Variants in AK9 observed in about 807,000 individuals in gnomAD.
The protein encoded by AK9 is adenylate kinase domain containing 1.
In AK9, 191 loss-of-function variants were observed where a neutral mutation model predicts 239.6. That is an observed-to-expected ratio of 0.80 (90% CI 0.71 to 0.90). The LOEUF (loss-of-function observed/expected upper bound fraction) is 0.90. Ranked by LOEUF, AK9 falls within the 40% of genes least tolerant of loss-of-function variation. AK9 has a pLI of 0.00. For missense variants in AK9, 1,995 were observed against 2,214.7 expected (o/e 0.90, Z 1.99); for synonymous variants, 689 against 721.0 (o/e 0.96, Z 0.71).
chr6:109,605,978 C>G (rs145118259), intron 17 of AK9, among the ~76,000 whole-genome samples: 1 of 151,970 alleles, frequency 6.6e-6, no homozygotes, highest in East Asian at 1.9e-4. Context: ...GTGGTGAGGA[C>G]AAGGGCCCCT....
intron 15 of AK9, among the ~76,000 whole-genome samples, chr6:109,612,497 A>C (rs184566417): frequency 2.4e-4 from 36 of 152,180 alleles, no homozygotes; most frequent in African/African-American, 8.2e-4. Flanking sequence ...GCCTGCTTCT[A>C]ACTTGGACTG....
chr6:109,680,864 G>A (rs1010756714), intron 1 of AK9, among the ~76,000 whole-genome samples: 2 of 152,160 alleles, frequency 1.3e-5, no homozygotes, highest in African/African-American at 4.8e-5. Context: ...AGCTTCATAA[G>A]TGAAGGAGAA....
chr6:109,554,708 T>G (rs1373978551), intron 24 of AK9, among the ~76,000 whole-genome samples: 1 of 151,968 alleles, frequency 6.6e-6, no homozygotes. Context: ...ATTTTTGTAT[T>G]TTTAGTACAG....
Position 109,546,101 on chromosome 6 carries a change from G to A in AK9, c.2991C>T (p.Val997=), listed in dbSNP as rs761959332. 4.4e-6 allele frequency: 6 copies of A among 1,355,616 alleles called. No individual in the cohort carries two copies. The highest frequency in any genetic ancestry group is 9.3e-5 in the East Asian group (2 of 21,588). 84.0% of individuals were successfully genotyped at this position (1,355,616 alleles called of 1,614,324 possible). ...TAGTTTTGCCAGAGCCCTGGGGGCC[G>A]ACAAGGCATATTCTTAATGGAGGAG... ...LKAPPLRICL[V]GPQGSGKTMC... The change falls in exon 26 of 41, where the codon GTC becomes GTT. Residue 997 remains valine (V), a synonymous_variant. Coordinates refer to ENST00000424296, the MANE Select transcript of AK9 (RefSeq NM_001145128.3).
chr6:109,530,022 G>T (rs1445620108), intron 28 of AK9, among the ~76,000 whole-genome samples: 1 of 152,156 alleles, frequency 6.6e-6, no homozygotes, highest in Non-Finnish European at 1.5e-5. Flanking sequence ...AAGTGTATGT[G>T]GTTGGCAGAC....
intron 17 of AK9, among the ~76,000 whole-genome samples, chr6:109,608,936 A>G (rs1352319537): frequency 6.6e-6 from 1 of 152,180 alleles, no homozygotes; most frequent in Non-Finnish European, 1.5e-5. Context: ...AAAGGAGCAT[A>G]TCTCTAGCTG....
At chr6:109,506,184 T>G in intron 35 of AK9, 143 bp downstream of exon 35, 1 of 696,166 alleles carries the variant, frequency 1.4e-6, no homozygotes, top group South Asian at 1.9e-5. Flanking sequence ...TACTATTATA[T>G]ATAGTATTGG....
chr6:109,633,378 G>A lies in AK9; in HGVS notation c.934-55C>T. 3 of 1,505,050 alleles carry A rather than the reference G, an allele frequency of 2.0e-6. No homozygotes were observed. In the Admixed American group the frequency reaches 6.6e-5, roughly 33 times the overall value. 93.2% of individuals were successfully genotyped at this position (1,505,050 alleles called of 1,614,324 possible). On this transcript the variant is annotated intron_variant, in intron 10 of 40. Coordinates refer to ENST00000424296, the MANE Select transcript of AK9 (RefSeq NM_001145128.3). Reference sequence around the variant, plus strand: ...ATGGGCATAAATTTTGCTGAAATTAGGAGCATTAAATATTTCATTTATCAT... The same window carrying A: ...ATGGGCATAAATTTTGCTGAAATTAAGAGCATTAAATATTTCATTTATCAT...
At chr6:109,665,017 G>A (rs1359515732) in intron 5 of AK9, among the ~76,000 whole-genome samples, 1 of 152,092 alleles carries the variant, frequency 6.6e-6, no homozygotes, top group Non-Finnish European at 1.5e-5. Flanking sequence ...TCCAGCCTGG[G>A]CAACAGAGCG....
At chr6:109,683,134 C>A (rs754307794) in intron 1 of AK9, among the ~76,000 whole-genome samples, 1 of 152,092 alleles carries the variant, frequency 6.6e-6, no homozygotes, top group Non-Finnish European at 1.5e-5. Context: ...ATAAATAGAA[C>A]CAATGACAAA....
At position 109,546,122 on chromosome 6, in the gene AK9, A is replaced by C; in HGVS notation, c.2970T>G (p.Pro990=). 2 of 1,052,236 alleles carry C rather than the reference A, an allele frequency of 1.9e-6. No homozygotes were observed. Among genetic ancestry groups the C allele is most frequent in the East Asian group, 1.0e-4 (2 of 19,812 alleles). 65.2% of individuals were successfully genotyped at this position (1,052,236 alleles called of 1,614,324 possible). The part of the protein sequence containing the change: ...YVAHEEPLKA[P]PLRICLVGPQ... The stretch of plus-strand genomic sequence containing the variant: ...GGCCGACAAGGCATATTCTTAATGG[A>C]GGAGCCTGTCACAGGGGGTGGGTCA... Residue 990 remains proline, a synonymous_variant, in exon 26 of 41, where the codon CCT becomes CCG. Transcript: ENST00000424296.
At chr6:109,642,535 C>T (rs1797583328) in intron 9 of AK9, among the ~76,000 whole-genome samples, 1 of 152,136 alleles carries the variant, frequency 6.6e-6, no homozygotes, top group South Asian at 2.1e-4. Flanking sequence ...TACCAGTTCC[C>T]ATGGGCACCT....
intron 37 of AK9, 58 bp downstream of exon 37, chr6:109,497,738 G>A: frequency 2.6e-6 from 4 of 1,556,704 alleles, no homozygotes; most frequent in Non-Finnish European, 3.5e-6. Context: ...ATTATTACAT[G>A]AACCACTTCT....
Position 109,585,971 on chromosome 6 carries a change from G to T in AK9, c.1944C>A (p.Ile648=), listed in dbSNP as rs1340205115. ...CCAAATCAGGTATAATTCCTTTCTT[G>T]ATTAAGGCCATCCACAATTCTTTTA... ...PIVKELWMAL[I]KKGIIPDLVI... is the part of the protein sequence containing the mutation. Residue 648 remains isoleucine, a synonymous_variant, in exon 18 of 41, where the codon ATC becomes ATA. Transcript: ENST00000424296. 2 of 1,551,118 alleles carry T rather than the reference G, an allele frequency of 1.3e-6. No individual in the cohort carries two copies. Among genetic ancestry groups the T allele is most frequent in the Non-Finnish European group, 1.7e-6 (2 of 1,146,730 alleles).
intron 12 of AK9, among the ~76,000 whole-genome samples, chr6:109,622,312 C>T (rs763725232): frequency 7.0e-6 from 1 of 142,512 alleles, no homozygotes; most frequent in Non-Finnish European, 1.5e-5. Context: ...CATACACATA[C>T]ATGTACATAT....
At chr6:109,655,814 A>T (rs1431973467) in intron 8 of AK9, among the ~76,000 whole-genome samples, 2 of 152,206 alleles carry the variant, frequency 1.3e-5, no homozygotes, top group East Asian at 3.8e-4. Flanking sequence ...GGAAGAAAGG[A>T]TGTTATTGAT....
chr6:109,591,694 T>C (rs79039391), intron 17 of AK9, among the ~76,000 whole-genome samples: 3,057 of 152,300 alleles, frequency 0.02, 81 homozygotes, highest in East Asian at 0.11. Context: ...TTTGCTTTTA[T>C]GTTTAGAAGT....
chr6:109,633,398 T>G, intron 10 of AK9, 75 bp from the exon 11 acceptor site: 1 of 1,422,010 alleles, frequency 7.0e-7, no homozygotes, highest in Non-Finnish European at 9.4e-7. Flanking sequence ...ATATTTCATT[T>G]ATCATTTTAT....
chr6:109,564,299 A>C lies in AK9; in HGVS notation c.2435-19T>G, dbSNP rs1161107440. Reference sequence around the variant, plus strand: ...AGTACAACTTTGGAGTAAAAGACAAAGGAAAGAAAAAAGGGGCTTTAAATA... The same window carrying C: ...AGTACAACTTTGGAGTAAAAGACAACGGAAAGAAAAAAGGGGCTTTAAATA... On this transcript the variant is annotated intron_variant, in intron 22 of 40. Transcript: ENST00000424296. 1 of 1,518,764 alleles carries C rather than the reference A, an allele frequency of 6.6e-7. No homozygotes were observed. Among genetic ancestry groups the C allele is most frequent in the East Asian group, 2.5e-5 (1 of 40,672 alleles). 94.1% of individuals were successfully genotyped at this position (1,518,764 alleles called of 1,614,324 possible).
Sources: allele counts gnomAD v4.1 joint callset (sites outside exome capture counted in the v4.1 genomes callset), GRCh38; gene constraint gnomAD v4.1.1; transcripts MANE v1.5; gene names NCBI Gene and HGNC (gene_info 2026-07-23, HGNC 2026-07-21).